SGCD: variants seen among roughly 807,000 people sequenced by gnomAD.
The protein encoded by SGCD is sarcoglycan delta, also known as delta-sarcoglycan.
In SGCD, 18 loss-of-function variants were observed where a neutral mutation model predicts 36.6. The observed-to-expected ratio is 0.49, with a 90% CI of 0.34 to 0.73. SGCD has a LOEUF of 0.73. Among genes scored for constraint, SGCD ranks in the 30% least tolerant of loss-of-function variants. SGCD has a pLI of 0.01. For synonymous variants in SGCD, 133 were observed against 130.6 expected (o/e 1.02, Z -0.12); for missense variants, 387 against 346.7 (o/e 1.12, Z -0.92).
intron 3 of SGCD, among the ~76,000 whole-genome samples, chr5:156,135,215 G>C (rs923812208): frequency 1.3e-5 from 2 of 152,082 alleles, no homozygotes; most frequent in Non-Finnish European, 2.9e-5. Flanking sequence ...TTAATTTCCA[G>C]TTGTTTTTGG....
the SGCD span, among the ~76,000 whole-genome samples, chr5:155,794,414 C>T: frequency 3.9e-5 from 6 of 152,020 alleles, 1 homozygote; most frequent in South Asian, 8.3e-4. Context: ...GAAATGACTA[C>T]GATTTGTGCA....
intron 1 of SGCD, among the ~76,000 whole-genome samples, chr5:155,882,204 A>G (rs916658437): frequency 2.6e-5 from 4 of 151,832 alleles, no homozygotes; most frequent in African/African-American, 9.7e-5. Context: ...AACTGGGCCC[A>G]AGTGATCCTT....
At chr5:156,391,290 TCTA>T (rs1218220191) in intron 3 of SGCD, among the ~76,000 whole-genome samples, 4 of 152,228 alleles carry the variant, frequency 2.6e-5, no homozygotes, top group Non-Finnish European at 5.9e-5. Context: ...TGTAGCACGC[TCTA>T]CTATCTAGGT....
At chr5:156,593,345 G>C (rs538312291) in intron 5 of SGCD, among the ~76,000 whole-genome samples, 1 of 152,022 alleles carries the variant, frequency 6.6e-6, no homozygotes, top group Non-Finnish European at 1.5e-5. Context: ...CAGAACACGC[G>C]CACCAGACAA....
At chr5:156,448,744 T>TTC in intron 3 of SGCD, among the ~76,000 whole-genome samples, 1 of 134,284 alleles carries the variant, frequency 7.4e-6, no homozygotes, top group African/African-American at 2.9e-5. Flanking sequence ...TTTTTTTTTT[T>TTC]TTTTTTTTTT....
At chr5:156,339,074 A>G (rs1389579924) in intron 2 of SGCD, among the ~76,000 whole-genome samples, 3 of 152,224 alleles carry the variant, frequency 2.0e-5, no homozygotes, top group Non-Finnish European at 4.4e-5. Flanking sequence ...ATGACCATTC[A>G]GAATGACCTT....
chr5:156,555,271 G>T (rs987950169), intron 4 of SGCD, among the ~76,000 whole-genome samples: 1 of 152,098 alleles, frequency 6.6e-6, no homozygotes, highest in Admixed American at 6.6e-5. Flanking sequence ...TGTTTTTGGT[G>T]TCGTATCTAA....
At chr5:156,075,021 G>T (rs1760729136) in intron 1 of SGCD, among the ~76,000 whole-genome samples, 2 of 152,186 alleles carry the variant, frequency 1.3e-5, no homozygotes, top group South Asian at 4.1e-4. Context: ...CACTGCATAT[G>T]CAGTTGCCCA....
rs1315618535 is a variant in SGCD, at chr5:155,889,844, G to C, written c.-282+19420G>C. Among the ~76,000 whole-genome samples the C allele has an allele frequency of 3.9e-5, 6 of 152,262 alleles. No homozygotes were observed. In the East Asian group the frequency reaches 1.2e-3, roughly 29 times the overall value. On this transcript the variant is annotated intron_variant, in intron 1 of 9. Coordinates refer to the SGCD transcript ENST00000517913. The stretch of plus-strand genomic sequence containing the variant: ...CTCATGGCCATTTGGACCTCTTGTG[G>C]GCACCCGCCCTATTCCTTGGGCTGG...
chr5:156,478,188 A>G (rs1032269951), intron 3 of SGCD, among the ~76,000 whole-genome samples: 3 of 152,100 alleles, frequency 2.0e-5, no homozygotes, highest in African/African-American at 7.2e-5. Context: ...CTTTATTTTC[A>G]TTACTTATCT....
chr5:156,648,011 A>C (rs150066107), intron 7 of SGCD, among the ~76,000 whole-genome samples: 1 of 152,176 alleles, frequency 6.6e-6, no homozygotes, highest in Non-Finnish European at 1.5e-5. Flanking sequence ...TCAAATATTC[A>C]TAAATGTGCT....
In SGCD at chr5:156,587,086, A is replaced by G. The variant is rs1760526581; in HGVS notation, c.295-2145A>G. ...TATAAAGCCTAAATTGTTTGCCTCC[A>G]GAGCTCACACTCTGAACCTTTACTT... On this transcript the variant is annotated intron_variant, in intron 4 of 8. Transcript: ENST00000337851. Among the ~76,000 whole-genome samples the G allele has an allele frequency of 2.6e-5, 4 of 152,334 alleles. No individual in the cohort carries two copies. The South Asian group carries it at 8.3e-4, about 32-fold the overall frequency.
At chr5:155,950,875 C>T (rs796927657) in intron 1 of SGCD, among the ~76,000 whole-genome samples, 19 of 152,272 alleles carry the variant, frequency 1.2e-4, no homozygotes, top group African/African-American at 2.2e-4. Context: ...AACCCTCTCA[C>T]CTAAAAATCC....
intron 7 of SGCD, among the ~76,000 whole-genome samples, chr5:156,684,785 G>T (rs1753846966): frequency 6.6e-6 from 1 of 152,156 alleles, no homozygotes; most frequent in Non-Finnish European, 1.5e-5. Context: ...AAGCCTCAAA[G>T]AATTAGGAAT....
chr5:156,397,638 G>C (rs925521428), intron 3 of SGCD, among the ~76,000 whole-genome samples: 3 of 152,170 alleles, frequency 2.0e-5, no homozygotes, highest in African/African-American at 7.2e-5. Flanking sequence ...CTGCTTGGAA[G>C]ATTAACATGT....
intron 3 of SGCD, among the ~76,000 whole-genome samples, chr5:156,487,067 C>T (rs979658258): frequency 3.3e-5 from 5 of 152,148 alleles, no homozygotes; most frequent in East Asian, 3.9e-4. Context: ...TACTCACTAC[C>T]ACCAGAGGTG....
chr5:155,986,861 C>G (rs1758342194), intron 1 of SGCD, among the ~76,000 whole-genome samples: 1 of 152,088 alleles, frequency 6.6e-6, no homozygotes, highest in African/African-American at 2.4e-5. Context: ...GAGCACTTAC[C>G]ATTTAAAACG....
intron 7 of SGCD, among the ~76,000 whole-genome samples, chr5:156,721,159 T>C (rs188894779): frequency 4.6e-4 from 70 of 152,026 alleles, no homozygotes; most frequent in African/African-American, 1.4e-3. Context: ...AAATCAGAAG[T>C]TTAGTGTACA....
intron 4 of SGCD, among the ~76,000 whole-genome samples, chr5:156,524,020 T>A (rs1757523815): frequency 7.0e-6 from 1 of 141,924 alleles, no homozygotes; most frequent in Non-Finnish European, 1.5e-5. Flanking sequence ...AAAAAAAAAA[T>A]GCTTTTGTTA....
Sources: allele counts gnomAD v4.1 joint callset (sites outside exome capture counted in the v4.1 genomes callset), GRCh38; gene constraint gnomAD v4.1.1; transcripts MANE v1.5; gene names NCBI Gene and HGNC (gene_info 2026-07-23, HGNC 2026-07-21).